Variants in TOMM34 observed in about 807,000 individuals in gnomAD.
TOMM34 encodes mitochondrial import receptor subunit TOM34.
A neutral mutation model predicts 37.4 loss-of-function variants in TOMM34; 24 were observed. The ratio of observed to expected loss-of-function variants is 0.64; its 90% CI spans 0.46 to 0.90. TOMM34 has a LOEUF of 0.90. Among genes scored for constraint, TOMM34 ranks in the 40% least tolerant of loss-of-function variants. TOMM34 has a pLI of 0.00. For synonymous variants in TOMM34, 154 were observed against 148.9 expected, an observed-to-expected ratio of 1.03 and a Z score of -0.25; for missense variants, 304 against 375.6, an observed-to-expected ratio of 0.81 and a Z score of 1.58.
At chr20:44,946,689 C>T (rs2066983331) in intron 5 of TOMM34, among the ~76,000 whole-genome samples, 1 of 152,212 alleles carries the variant, frequency 6.6e-6, no homozygotes, top group Non-Finnish European at 1.5e-5. Flanking sequence ...AAGCCAAAGC[C>T]TGGGCATTGT....
intron 4 of TOMM34, among the ~76,000 whole-genome samples, chr20:44,950,773 T>A (rs2067019591): frequency 1.3e-5 from 2 of 152,178 alleles, no homozygotes; most frequent in African/African-American, 4.8e-5. Flanking sequence ...GTAACTCTTG[T>A]CCTCCCCTAA....
chr20:44,960,264 G>A lies in TOMM34; in HGVS notation c.70C>T (p.Gln24Ter). 6.3e-7 allele frequency: 1 copy of A among 1,575,638 alleles called. No individual in the cohort carries two copies. Among genetic ancestry groups the A allele is most frequent in the Admixed American group, 1.8e-5 (1 of 55,356 alleles). Residue 24 changes from glutamine to a stop codon, truncating the protein, a stop_gained, in exon 1 of 7, where the codon CAG becomes TAG. Transcript: ENST00000372813. LOFTEE classifies it high-confidence loss of function. ...AAGNESFRNG[Q>*]YAEASALYGR... is the part of the protein sequence containing the mutation. ...TAGAGCGCGGAGGCCTCGGCGTACTGGCCGTTGCGGAAACTCTCATTGCCG... is the reference window on the plus strand; with the variant it reads ...TAGAGCGCGGAGGCCTCGGCGTACTAGCCGTTGCGGAAACTCTCATTGCCG...
intron 3 of TOMM34, among the ~76,000 whole-genome samples, chr20:44,954,725 G>A (rs994662055): frequency 5.3e-5 from 8 of 152,246 alleles, no homozygotes; most frequent in Admixed American, 3.3e-4. Context: ...TAGCGTTAGC[G>A]CTTTGAAGGT....
At position 44,943,443 on chromosome 20, in the gene TOMM34, T is replaced by A. The variant is rs1373882042; in HGVS notation, c.825+10A>T. On this transcript the variant is annotated intron_variant, in intron 6 of 6. Coordinates refer to ENST00000372813, the MANE Select transcript of TOMM34 (RefSeq NM_006809.5). ...TATGTTGGGACCTTTTGGCCAGGATTTTTTTTTACCTTGAGTGCTTTGTGG... is the reference window on the plus strand; with the variant it reads ...TATGTTGGGACCTTTTGGCCAGGATATTTTTTTACCTTGAGTGCTTTGTGG... 3 of 1,614,012 alleles carry A rather than the reference T, an allele frequency of 1.9e-6. No individual in the cohort carries two copies. Among genetic ancestry groups the A allele is most frequent in the Non-Finnish European group, 2.5e-6 (3 of 1,179,978 alleles).
chr20:44,949,502 G>A (rs1282616468), intron 4 of TOMM34, among the ~76,000 whole-genome samples: 2 of 152,164 alleles, frequency 1.3e-5, no homozygotes, highest in Non-Finnish European at 2.9e-5. Context: ...TTCAAGGAGA[G>A]GAAGCAGAGG....
chr20:44,956,572 G>A (rs2067075193), intron 1 of TOMM34, 87 bp from the exon 2 acceptor site: 2 of 1,313,714 alleles, frequency 1.5e-6, no homozygotes, highest in East Asian at 4.6e-5. Context: ...GAGCTCTTTG[G>A]GCCTTGTGTT....
chr20:44,947,484 C>T (rs1003366097), intron 5 of TOMM34, among the ~76,000 whole-genome samples: 6 of 152,156 alleles, frequency 3.9e-5, no homozygotes, highest in Non-Finnish European at 7.4e-5. Context: ...ACCATATTAC[C>T]TCACTAAAAT....
intron 5 of TOMM34, among the ~76,000 whole-genome samples, chr20:44,946,253 C>T (rs1189885670): frequency 1.3e-5 from 2 of 152,128 alleles, no homozygotes; most frequent in African/African-American, 4.8e-5. Flanking sequence ...CACCGTGTAT[C>T]GTGACTTCAG....
intron 4 of TOMM34, 130 bp downstream of exon 4, chr20:44,951,703 T>C: frequency 8.5e-7 from 1 of 1,171,642 alleles, no homozygotes; most frequent in Non-Finnish European, 1.2e-6. Context: ...AAGACTTGTA[T>C]TTTGTTTTAT....
At chr20:44,948,389 G>A (rs967527389) in intron 5 of TOMM34, among the ~76,000 whole-genome samples, 1 of 152,230 alleles carries the variant, frequency 6.6e-6, no homozygotes, top group South Asian at 2.1e-4. Flanking sequence ...TCTTGGAGAA[G>A]GGTAGGGAGC....
chr20:44,947,804 A>AAC (rs1427134518), intron 5 of TOMM34, among the ~76,000 whole-genome samples: 7 of 152,204 alleles, frequency 4.6e-5, no homozygotes, highest in Admixed American at 2.6e-4. Flanking sequence ...GTGGCTGGAA[A>AAC]ACACATTTTA....
chr20:44,960,367 C>G lies in TOMM34; in HGVS notation c.-34G>C, dbSNP rs2234198. ...CAGGCCGGCGAGTTGGGAGCTCCTTCCTTCCTCCCCCGTGTGGTGCGGCAC... is the reference window on the plus strand; with the variant it reads ...CAGGCCGGCGAGTTGGGAGCTCCTTGCTTCCTCCCCCGTGTGGTGCGGCAC... On this transcript the variant is annotated 5_prime_UTR_variant, in exon 1 of 7. Transcript: ENST00000372813. The G allele has an allele frequency of 3.4e-4, 519 of 1,525,228 alleles. No homozygotes were observed. The African/African-American group carries it at 6.9e-3, about 20-fold the overall frequency. 94.5% of individuals were successfully genotyped at this position (1,525,228 alleles called of 1,614,324 possible). A position where few individuals can be genotyped will look rare whatever the true frequency, so the allele number is the denominator to read the frequency against.
chr20:44,956,409 T>C lies in TOMM34; in HGVS notation c.204A>G (p.Arg68=), dbSNP rs2067073253. 1 of 1,614,074 alleles carries C rather than the reference T, an allele frequency of 6.2e-7. No homozygotes were observed. Among genetic ancestry groups the C allele is most frequent in the South Asian group, 1.1e-5 (1 of 91,084 alleles). ...ACGAAGTGCAATCTTTGATGCAGTC[T>C]CTGCAGTTTCCATCCTTCAAGTGAC... is the stretch of plus-strand genomic sequence containing the variant. The part of the protein sequence containing the change: ...AACHLKDGNC[R]DCIKDCTSAL... The change falls in exon 2 of 7, where the codon AGA becomes AGG. Residue 68 remains arginine (R), a synonymous_variant. Coordinates refer to ENST00000372813, the MANE Select transcript of TOMM34 (RefSeq NM_006809.5).
At position 44,955,657 on chromosome 20, in the gene TOMM34, G is replaced by A. The variant is rs1023438739; in HGVS notation, c.228-437C>T. ...TACTGCCCCAACCCTCAGCAACCAA[G>A]TTCTGGCCTGGGACACATGGTAACC... On this transcript the variant is annotated intron_variant, in intron 2 of 6. Transcript: ENST00000372813. 6.6e-6 allele frequency: 3 copies of A among 457,216 alleles called. No individual in the cohort carries two copies. The Admixed American group carries it at 7.0e-5, about 11-fold the overall frequency. 28.3% of individuals were successfully genotyped at this position (457,216 alleles called of 1,614,324 possible).
chr20:44,958,144 A>ATGTATATGTATATATATGTGTG (rs60792281), intron 1 of TOMM34, among the ~76,000 whole-genome samples: 291 of 146,972 alleles, frequency 2.0e-3, no homozygotes, highest in East Asian at 4.8e-3. Context: ...ATGTATATAT[A>ATGTATATGTATATATATGTGTG]TGTGTGTGTG....
In TOMM34 at chr20:44,952,457, G is replaced by A. The variant is rs117152605; in HGVS notation, c.381-455C>T. 8.7e-3 allele frequency among the ~76,000 whole-genome samples: 1,330 copies of A among 152,246 alleles called. 13 individuals are homozygous for A. Among genetic ancestry groups the A allele is most frequent in the Middle Eastern group, 0.024 (7 of 294 alleles). The stretch of plus-strand genomic sequence containing the variant: ...CTCCTCAGGGGTTCCCAATTCCCTA[G>A]GCTAATGTGGCATGTGAGATCTGGT... On this transcript the variant is annotated intron_variant, in intron 3 of 6. Transcript: ENST00000372813.
rs890709629 is a variant in TOMM34, at chr20:44,942,368, C to G, written c.*741G>C. The stretch of plus-strand genomic sequence containing the variant: ...AAAAACCAAGTCCCTGCCCAGAAAG[C>G]ATGGACACTGACCAAGGAGGCCTCT... On this transcript the variant is annotated 3_prime_UTR_variant, in exon 7 of 7. Coordinates refer to ENST00000372813, the MANE Select transcript of TOMM34 (RefSeq NM_006809.5). 4 of 152,446 alleles carry G rather than the reference C, an allele frequency of 2.6e-5. No homozygotes were observed. In the South Asian group the frequency reaches 8.3e-4, roughly 32 times the overall value. 9.4% of individuals were successfully genotyped at this position (152,446 alleles called of 1,614,324 possible). A position where few individuals can be genotyped will look rare whatever the true frequency, so the allele number is the denominator to read the frequency against.
rs554739990 is a variant in TOMM34 at position 44,950,235 on chromosome 20, C to G, written c.551-1358G>C. On this transcript the variant is annotated intron_variant, in intron 4 of 6. Transcript: ENST00000372813. ...ATGCACTTTCATTCTCCAACTCTCT[C>G]CACTGTCTCTGCCAAGGATTCTCCT... 2.0e-3 allele frequency among the ~76,000 whole-genome samples: 299 copies of G among 152,338 alleles called. 2 individuals are homozygous for G. The highest frequency in any genetic ancestry group is 7.1e-3 in the African/African-American group (296 of 41,576).
At chr20:44,953,265 T>C (rs1224976039) in intron 3 of TOMM34, among the ~76,000 whole-genome samples, 1 of 152,248 alleles carries the variant, frequency 6.6e-6, no homozygotes, top group Admixed American at 6.5e-5. Context: ...CTGAAAGCAT[T>C]GCCCTCTGGC....
Sources: gnomAD v4.1 joint callset for allele counts (sites outside exome capture counted in the v4.1 genomes callset) on GRCh38, gnomAD v4.1.1 for gene constraint, MANE v1.5 for transcripts, NCBI Gene and HGNC (gene_info 2026-07-23, HGNC 2026-07-21) for gene names.